GLIS3: variants seen among roughly 807,000 people sequenced by gnomAD.
GLIS3 encodes GLIS family zinc finger 3.
GLIS3 carries 53 observed loss-of-function variants against 78.6 expected under a neutral mutation model. The ratio of observed to expected loss-of-function variants is 0.67; its 90% CI spans 0.54 to 0.85. The LOEUF (loss-of-function observed/expected upper bound fraction) is 0.85. Among genes scored for constraint, GLIS3 ranks in the 40% least tolerant of loss-of-function variants. The pLI is 0.00. For synonymous variants in GLIS3, 684 were observed against 509.9 expected (o/e 1.34, Z -4.60); for missense variants, 1,703 against 1,231.1 (o/e 1.38, Z -5.74).
chr9:3,981,505 C>T (rs894679886), intron 4 of GLIS3, among the ~76,000 whole-genome samples: 1 of 152,134 alleles, frequency 6.6e-6, no homozygotes, highest in East Asian at 1.9e-4. Context: ...TCCCTGACCC[C>T]ATGAGTCCGG....
intron 2 of GLIS3, among the ~76,000 whole-genome samples, chr9:4,262,255 A>T (rs77301895): frequency 0.028 from 4,219 of 152,210 alleles, 94 homozygotes; most frequent in South Asian, 0.084. Flanking sequence ...CCCCAACAAG[A>T]TATAAGGTAA....
chr9:4,375,590 A>G, the GLIS3 span, among the ~76,000 whole-genome samples: 3 of 152,304 alleles, frequency 2.0e-5, no homozygotes, highest in South Asian at 6.2e-4. Flanking sequence ...ATGGCTTTAT[A>G]ATGTGTAAGG....
chr9:4,305,696 A>G (rs1055309065), intron 4 of GLIS3: 1 of 152,212 alleles, frequency 6.6e-6, no homozygotes, highest in East Asian at 1.9e-4. Context: ...CTTCTGAGGA[A>G]GGTAGCTTCT....
chr9:4,001,739 A>G (rs1177219532), intron 4 of GLIS3, among the ~76,000 whole-genome samples: 1 of 152,224 alleles, frequency 6.6e-6, no homozygotes, highest in Non-Finnish European at 1.5e-5. Flanking sequence ...AATACTTTCA[A>G]TGATGCATTT....
At chr9:4,338,163 C>A in intron 2 of GLIS3, among the ~76,000 whole-genome samples, 1 of 152,034 alleles carries the variant, frequency 6.6e-6, no homozygotes, top group East Asian at 1.9e-4. Context: ...CCTGACTAGA[C>A]AAGTTTCCTT....
At chr9:4,163,287 T>C (rs1371285825) in intron 2 of GLIS3, among the ~76,000 whole-genome samples, 1 of 152,130 alleles carries the variant, frequency 6.6e-6, no homozygotes, top group Non-Finnish European at 1.5e-5. Flanking sequence ...CGCGCACACA[T>C]ACCATTTCTC....
chr9:3,989,441 A>G (rs1820039942), intron 4 of GLIS3, among the ~76,000 whole-genome samples: 1 of 152,220 alleles, frequency 6.6e-6, no homozygotes, highest in Non-Finnish European at 1.5e-5. Context: ...CTGTTTGCAA[A>G]TATTCATAGC....
At chr9:4,175,560 A>T (rs1349389661) in intron 2 of GLIS3, among the ~76,000 whole-genome samples, 1 of 152,196 alleles carries the variant, frequency 6.6e-6, no homozygotes, top group African/African-American at 2.4e-5. Context: ...TGGCTCACAG[A>T]CCCTGAAAAT....
At chr9:4,059,829 TGAGAGAGAGA>T (rs1004608610) in intron 4 of GLIS3, among the ~76,000 whole-genome samples, 2,330 of 100,706 alleles carry the variant, frequency 0.023, 77 homozygotes, top group African/African-American at 0.072. Flanking sequence ...TGTGTGTGTG[TGAGAGAGAGA>T]GAGAGAGAGA....
chr9:3,888,933 G>A lies in GLIS3; in HGVS notation c.2129-9338C>T, dbSNP rs137866853. Among the ~76,000 whole-genome samples, 772 of 152,232 alleles carry A rather than the reference G, an allele frequency of 5.1e-3. 10 individuals carry two copies. The highest frequency in any genetic ancestry group is 0.018 in the African/African-American group (739 of 41,534). On this transcript the variant is annotated intron_variant, in intron 7 of 10. Coordinates refer to ENST00000381971, the MANE Select transcript of GLIS3 (RefSeq NM_001042413.2). ...GTTGCTGCTAGAAAATATATTTTGA[G>A]GAAGCATGTGACATCCCTGTTAGAA...
At chr9:3,990,831 A>C (rs1307929746) in intron 4 of GLIS3, among the ~76,000 whole-genome samples, 2 of 152,330 alleles carry the variant, frequency 1.3e-5, no homozygotes, top group East Asian at 3.9e-4. Context: ...ATACAAATTT[A>C]ATGACAGAAC....
Position 3,863,664 on chromosome 9 carries a change from G to A in GLIS3, c.2298-7480C>T, listed in dbSNP as rs545593564. On this transcript the variant is annotated intron_variant, in intron 8 of 10. Coordinates refer to ENST00000381971, the MANE Select transcript of GLIS3 (RefSeq NM_001042413.2). ...CTGTGAAGTTGGCTGTAGGTGAAAC[G>A]ATCACAAATACTTTTTGAAGGAGAT... is the stretch of plus-strand genomic sequence containing the variant. Among the ~76,000 whole-genome samples, 12 of 152,336 alleles carry A rather than the reference G, an allele frequency of 7.9e-5. No homozygotes were observed. The East Asian group carries it at 1.5e-3, about 20-fold the overall frequency.
chr9:4,317,768 TTTAC>T (rs1290044441), intron 2 of GLIS3, among the ~76,000 whole-genome samples: 1 of 152,202 alleles, frequency 6.6e-6, no homozygotes, highest in Non-Finnish European at 1.5e-5. Flanking sequence ...TCAGAATTTA[TTTAC>T]TGTTCATTTT....
intron 2 of GLIS3, among the ~76,000 whole-genome samples, chr9:4,325,977 C>T (rs1037011328): frequency 2.0e-5 from 3 of 152,130 alleles, no homozygotes; most frequent in Non-Finnish European, 2.9e-5. Flanking sequence ...CACCTGTTCT[C>T]ACTTATAAGT....
chr9:4,163,054 G>C (rs556041283), intron 2 of GLIS3, among the ~76,000 whole-genome samples: 74 of 152,094 alleles, frequency 4.9e-4, no homozygotes, highest in Non-Finnish European at 9.9e-4. Flanking sequence ...ACAATGCCTG[G>C]GCATCATGCT....
chr9:4,220,300 AG>A (rs1315059477), intron 2 of GLIS3, among the ~76,000 whole-genome samples: 3 of 152,236 alleles, frequency 2.0e-5, no homozygotes, highest in African/African-American at 4.8e-5. Flanking sequence ...AGAGGGTAAA[AG>A]TTTGATGAGC....
intron 4 of GLIS3, among the ~76,000 whole-genome samples, chr9:4,049,848 T>C (rs566919005): frequency 3.9e-5 from 6 of 151,996 alleles, no homozygotes; most frequent in Non-Finnish European, 8.8e-5. Context: ...CATGAAAAAA[T>C]GCTCATCATC....
intron 2 of GLIS3, among the ~76,000 whole-genome samples, chr9:4,177,794 G>A (rs1266651554): frequency 6.6e-6 from 1 of 152,178 alleles, no homozygotes; most frequent in Non-Finnish European, 1.5e-5. Context: ...TGAAAGTGCA[G>A]TTGGTGCCAA....
intron 1 of GLIS3, chr9:4,298,296 G>C (rs758066897): frequency 4.4e-6 from 2 of 449,546 alleles, no homozygotes; most frequent in Non-Finnish European, 8.9e-6. Flanking sequence ...GTTTCCTTTC[G>C]CTTCTCGCCT....
Sources: allele counts gnomAD v4.1 joint callset (sites outside exome capture counted in the v4.1 genomes callset), GRCh38; gene constraint gnomAD v4.1.1; transcripts MANE v1.5; gene names NCBI Gene and HGNC (gene_info 2026-07-23, HGNC 2026-07-21).